The following CGREF1 variants were observed in gnomAD, a reference collection of about 807,000 sequenced individuals.
CGREF1 encodes cell growth regulator with EF hand domain protein 1.
In CGREF1, 16 loss-of-function variants were observed where a neutral mutation model predicts 17.4. The ratio of observed to expected loss-of-function variants is 0.92; its 90% CI spans 0.62 to 1.40. The LOEUF (loss-of-function observed/expected upper bound fraction) is 1.40. Ranked by LOEUF, CGREF1 falls within the 40% of genes most tolerant of loss-of-function variation. The pLI is 0.00. For synonymous variants in CGREF1, 142 were observed against 154.6 expected, an observed-to-expected ratio of 0.92 and a Z score of 0.61; for missense variants, 296 against 376.4, an observed-to-expected ratio of 0.79 and a Z score of 1.77.
chr2:27,099,636 G>T (rs1005052731), downstream of CGREF1: 2 of 1,614,008 alleles, frequency 1.2e-6, no homozygotes, highest in Non-Finnish European at 1.7e-6. Flanking sequence ...CAAACACCTG[G>T]CTGACCTAGC....
chr2:27,117,883 AT>A, intron 1 of CGREF1, among the ~76,000 whole-genome samples: 1 of 151,570 alleles, frequency 6.6e-6, no homozygotes, highest in Non-Finnish European at 1.5e-5. Context: ...GCCTGGCTAA[AT>A]TTTTTTTGTA....
chr2:27,109,707 G>A (rs1671276036), intron 1 of CGREF1, among the ~76,000 whole-genome samples: 1 of 151,672 alleles, frequency 6.6e-6, no homozygotes, highest in South Asian at 2.1e-4. Context: ...CCAACATGGA[G>A]AAACCCTGTC....
chr2:27,104,345 C>G lies in CGREF1; in HGVS notation c.22G>C (p.Val8Leu). 1 of 1,607,534 alleles carries G rather than the reference C, an allele frequency of 6.2e-7. No individual in the cohort carries two copies. The highest frequency in any genetic ancestry group is 8.5e-7 in the Non-Finnish European group (1 of 1,176,582). MLPLTMTVLILLLLPTGQ... is the reference protein window; with the variant it reads MLPLTMTLLILLLLPTGQ... ...GTGGGGAGCAGCAGCAGGATTAACA[C>G]TGTCATCGTCAAAGGTAACATCCTT... The change falls in exon 2 of 6, where the codon GTG becomes CTG. Residue 8 changes from valine to leucine, a missense_variant. Physicochemically the swap from Val to Leu is conservative, Grantham distance 32. This residue lies in a region of CGREF1 where 247 missense variants were observed against 267.2 expected (regional missense o/e 0.92). Transcript: ENST00000402394.
chr2:27,106,748 C>G (rs1270382422), intron 1 of CGREF1, among the ~76,000 whole-genome samples: 1 of 152,188 alleles, frequency 6.6e-6, no homozygotes, highest in Admixed American at 6.5e-5. Flanking sequence ...TCCTGAGTAT[C>G]TGGGACTACA....
intron 1 of CGREF1, 124 bp from the exon 2 acceptor site, chr2:27,104,501 T>A: frequency 6.4e-7 from 1 of 1,551,602 alleles, no homozygotes. Flanking sequence ...AAGACAGGAC[T>A]CCTGCTCAGG....
At chr2:27,100,517 C>T (rs1131375), downstream of CGREF1, 462,375 of 1,289,904 alleles carry the variant, frequency 0.36, 85,957 homozygotes, top group Admixed American at 0.56. Flanking sequence ...GAATTGGGGC[C>T]AACTCCAATA....
intron 1 of CGREF1, among the ~76,000 whole-genome samples, chr2:27,107,254 TTTTTG>T (rs70953849): frequency 6.6e-6 from 1 of 151,356 alleles, no homozygotes; most frequent in Non-Finnish European, 1.5e-5. Context: ...GTTCACATTT[TTTTTG>T]TTTTGTTTTG....
chr2:27,099,830 T>C (rs886699360), downstream of CGREF1: 2 of 1,564,266 alleles, frequency 1.3e-6, no homozygotes, highest in Non-Finnish European at 1.7e-6. Context: ...CAGCCTGGCG[T>C]CCAGGTTGCC....
rs1670806901 is a variant in CGREF1, at chr2:27,101,192, G to GT, written c.*81dup. The GT allele has an allele frequency of 6.6e-7, 1 of 1,504,716 alleles. No individual in the cohort carries two copies. Among genetic ancestry groups the GT allele is most frequent in the Non-Finnish European group, 8.8e-7 (1 of 1,131,010 alleles). 93.2% of individuals were successfully genotyped at this position (1,504,716 alleles called of 1,614,324 possible). ...GGCAGGGGGCACAGAGATGGTCCTT[G>GT]TCCCAGCGTACATTTCCCCTGCCCA... On this transcript the variant is annotated 3_prime_UTR_variant, in exon 6 of 6. Coordinates refer to ENST00000402394, the MANE Select transcript of CGREF1 (RefSeq NM_006569.6).
At chr2:27,115,573 G>A (rs535452157) in intron 1 of CGREF1, among the ~76,000 whole-genome samples, 1 of 152,068 alleles carries the variant, frequency 6.6e-6, no homozygotes, top group Non-Finnish European at 1.5e-5. Flanking sequence ...CCTGTCTCTG[G>A]TATTTTCTCC....
downstream of CGREF1, chr2:27,100,467 G>T (rs1275175848): frequency 7.7e-7 from 1 of 1,290,940 alleles, no homozygotes; most frequent in Non-Finnish European, 1.0e-6. Context: ...GATACAGAGT[G>T]TTGCTGTCCT....
At chr2:27,105,130 G>C (rs1048808859) in intron 1 of CGREF1, among the ~76,000 whole-genome samples, 1 of 152,226 alleles carries the variant, frequency 6.6e-6, no homozygotes, top group South Asian at 2.1e-4. Flanking sequence ...AGAGCCTAAA[G>C]CTTTCTGGTG....
Position 27,100,742 on chromosome 2 carries a change from C to T in CGREF1, c.*532G>A. ...AGGATAAAATCATATATAAAATGCC[C>T]AGCATGATGCCTGATGTGTACAAGG... On this transcript the variant is annotated 3_prime_UTR_variant, in exon 6 of 6. Coordinates refer to ENST00000402394, the MANE Select transcript of CGREF1 (RefSeq NM_006569.6). 1.6e-5 allele frequency: 18 copies of T among 1,153,380 alleles called. No homozygotes were observed. Among genetic ancestry groups the T allele is most frequent in the Non-Finnish European group, 1.9e-5 (17 of 911,744 alleles). The allele number at this position is 1,153,380 out of a possible 1,614,324, so 71.4% of individuals were successfully genotyped here.
rs571647377 is a variant in CGREF1, at chr2:27,112,942, G to A, written c.-12+5904C>T. 2.6e-5 allele frequency among the ~76,000 whole-genome samples: 4 copies of A among 152,332 alleles called. No homozygotes were observed. The East Asian group carries it at 7.7e-4, about 29-fold the overall frequency. The stretch of plus-strand genomic sequence containing the variant: ...GGGTTCCACCACCTGGGCCTCAGCA[G>A]GAAGTAGAAGACAGAAATCTCCCTA... On this transcript the variant is annotated intron_variant, in intron 1 of 5. Coordinates refer to ENST00000402394, the MANE Select transcript of CGREF1 (RefSeq NM_006569.6).
Position 27,101,326 on chromosome 2 carries a change from G to T in CGREF1, c.905C>A (p.Thr302Asn). The T allele has an allele frequency of 6.3e-7, 1 of 1,598,842 alleles. No homozygotes were observed. The highest frequency in any genetic ancestry group is 8.5e-7 in the Non-Finnish European group (1 of 1,171,928). The change falls in exon 6 of 6, where the codon ACC (threonine) becomes AAC (asparagine). Residue 302 changes from threonine to asparagine, a missense_variant. Coordinates refer to ENST00000402394, the MANE Select transcript of CGREF1 (RefSeq NM_006569.6). Reference sequence around the variant, plus strand: ...AATGTGCACCTCAAAGTCATTTTGGGTGTTCTTAGACTCCAGTGTTTCCCC... The same window carrying T: ...AATGTGCACCTCAAAGTCATTTTGGTTGTTCTTAGACTCCAGTGTTTCCCC... Reference protein sequence around the residue: ...LPGETLESKNTQNDFEVHIVQ... With the variant: ...LPGETLESKNNQNDFEVHIVQ...
chr2:27,100,115 T>G (rs1270052226), downstream of CGREF1: 4 of 555,914 alleles, frequency 7.2e-6, no homozygotes, highest in Non-Finnish European at 1.3e-5. Flanking sequence ...CAGCGAGAAG[T>G]GCCCTGGGCT....
intron 1 of CGREF1, among the ~76,000 whole-genome samples, chr2:27,108,289 G>A (rs1199832119): frequency 1.3e-5 from 2 of 152,048 alleles, no homozygotes; most frequent in South Asian, 2.1e-4. Flanking sequence ...AAATAAAAAT[G>A]CAACGGGTGA....
At chr2:27,100,533 T>G (rs1670757667), downstream of CGREF1, 8 of 1,290,868 alleles carry the variant, frequency 6.2e-6, no homozygotes, top group Non-Finnish European at 8.1e-6. Context: ...CAATATAGGG[T>G]GGGTAAGGCC....
intron 1 of CGREF1, among the ~76,000 whole-genome samples, chr2:27,109,460 C>T (rs892207358): frequency 6.6e-6 from 1 of 151,462 alleles, no homozygotes; most frequent in Non-Finnish European, 1.5e-5. Context: ...CAGACATAGA[C>T]TGTTAAACAA....
Sources: allele counts gnomAD v4.1 joint callset (sites outside exome capture counted in the v4.1 genomes callset), GRCh38; gene constraint gnomAD v4.1.1; regional missense constraint gnomAD v4.1.1; transcripts MANE v1.5; gene names NCBI Gene and HGNC (gene_info 2026-07-23, HGNC 2026-07-21).